Variants in TET1 observed in about 807,000 individuals in gnomAD.
TET1 encodes tet methylcytosine dioxygenase 1.
TET1 carries 13 observed loss-of-function variants against 148.7 expected under a neutral mutation model. The observed-to-expected ratio is 0.09, with a 90% CI of 0.06 to 0.14. The LOEUF is 0.14. TET1 is among the 10% of genes least tolerant of loss of function. The pLI, the probability that TET1 is intolerant of heterozygous loss-of-function variation, is 1.00. For synonymous variants in TET1, 907 were observed against 937.2 expected (o/e 0.97, Z 0.59); for missense variants, 2,182 against 2,553.8 (o/e 0.85, Z 3.14).
At chr10:68,637,518 C>CTTTTTTTTTTT in intron 3 of TET1, among the ~76,000 whole-genome samples, 1 of 106,372 alleles carries the variant, frequency 9.4e-6, no homozygotes, top group Non-Finnish European at 1.8e-5. Flanking sequence ...GTTTCCTATT[C>CTTTTTTTTTTT]TTTTTTTTTT....
At chr10:68,626,084 T>C (rs1295197063) in intron 3 of TET1, among the ~76,000 whole-genome samples, 1 of 70,476 alleles carries the variant, frequency 1.4e-5, no homozygotes, top group Non-Finnish European at 2.6e-5. Context: ...AACGAGACCC[T>C]ATCTCAAAAA....
At position 68,645,391 on chromosome 10, in the gene TET1, T is replaced by A; in HGVS notation, c.2662T>A (p.Leu888Met). 6.2e-7 allele frequency: 1 copy of A among 1,614,118 alleles called. No individual in the cohort carries two copies. The highest frequency in any genetic ancestry group is 8.5e-7 in the Non-Finnish European group (1 of 1,180,048). The change falls in exon 4 of 12, where the codon TTG becomes ATG. Residue 888 changes from leucine to methionine, a missense_variant. Transcript: ENST00000373644. ...LSLMKDRRLTLEQVVAIEALT... is the reference protein window; with the variant it reads ...LSLMKDRRLTMEQVVAIEALT... ...GTTAATGAAAGATAGGAGATTAACATTGGAGCAAGTGGTAGCCATAGAGGC... is the reference window on the plus strand; with the variant it reads ...GTTAATGAAAGATAGGAGATTAACAATGGAGCAAGTGGTAGCCATAGAGGC...
At chr10:68,620,687 C>A (rs1192826094) in intron 3 of TET1, among the ~76,000 whole-genome samples, 1 of 151,372 alleles carries the variant, frequency 6.6e-6, no homozygotes, top group African/African-American at 2.4e-5. Context: ...TGGGTACATA[C>A]CAAGAAGTGG....
intron 7 of TET1, among the ~76,000 whole-genome samples, chr10:68,672,224 T>G (rs1242289584): frequency 6.6e-6 from 1 of 151,792 alleles, no homozygotes; most frequent in Non-Finnish European, 1.5e-5. Context: ...CTGTCCAGGC[T>G]CAGTGCCTCA....
chr10:68,574,210 T>C lies in TET1; in HGVS notation c.1872T>C (p.Cys624=), dbSNP rs745765557. The change falls in exon 2 of 12, where the codon TGT becomes TGC. Residue 624 remains cysteine (C), a synonymous_variant. Coordinates refer to ENST00000373644, the MANE Select transcript of TET1 (RefSeq NM_030625.3). ...NSHQICKKRK[C]EELKKKPSVV... ...ATCAGATCTGTAAGAAAAGAAAATGTGAGGAGCTGAAAAAGAAACCATCTG... is the reference window on the plus strand; with the variant it reads ...ATCAGATCTGTAAGAAAAGAAAATGCGAGGAGCTGAAAAAGAAACCATCTG... 4 of 1,612,948 alleles carry C rather than the reference T, an allele frequency of 2.5e-6. No homozygotes were observed. Among genetic ancestry groups the C allele is most frequent in the Middle Eastern group, 1.6e-4 (1 of 6,062 alleles).
intron 1 of TET1, among the ~76,000 whole-genome samples, chr10:68,568,738 C>G (rs1437000424): frequency 2.0e-5 from 3 of 152,138 alleles, no homozygotes; most frequent in African/African-American, 7.2e-5. Context: ...GTGGTCCCAG[C>G]TATTCGGGCA....
chr10:68,571,327 G>T (rs886110334), intron 1 of TET1, among the ~76,000 whole-genome samples: 1 of 148,134 alleles, frequency 6.8e-6, no homozygotes, highest in African/African-American at 2.5e-5. Flanking sequence ...TTTTTGAGAT[G>T]GAGTCTCACT....
chr10:68,603,600 GT>G (rs1371788846), intron 3 of TET1, among the ~76,000 whole-genome samples: 3 of 152,094 alleles, frequency 2.0e-5, no homozygotes, highest in African/African-American at 7.2e-5. Context: ...GCAAAATCCT[GT>G]CTCTATGAAA....
At chr10:68,571,611 G>A in intron 1 of TET1, among the ~76,000 whole-genome samples, 1 of 151,656 alleles carries the variant, frequency 6.6e-6, no homozygotes, top group East Asian at 2.0e-4. Context: ...TGTTGGCCAG[G>A]CTGGTCTCAA....
chr10:68,632,708 A>G lies in TET1; in HGVS notation c.1969-11990A>G, dbSNP rs549654663. On this transcript the variant is annotated intron_variant, in intron 3 of 11. Transcript: ENST00000373644. ...CACCTCGATCCTGAAAGAAAACACA[A>G]CGGCGGCAGCAGCAATTGAACAATC... 1.1e-4 allele frequency: 179 copies of G among 1,609,124 alleles called. No homozygotes were observed. In the African/African-American group the frequency reaches 1.9e-3, roughly 17 times the overall value.
chr10:68,669,183 T>TA (rs2055234333), intron 7 of TET1, among the ~76,000 whole-genome samples: 2 of 152,200 alleles, frequency 1.3e-5, no homozygotes, highest in South Asian at 4.2e-4. Flanking sequence ...AGTTTGCCGT[T>TA]ACAGTGAGCT....
intron 3 of TET1, among the ~76,000 whole-genome samples, chr10:68,611,665 TTTTCTTTTC>T (rs1047087781): frequency 9.1e-5 from 13 of 143,058 alleles, no homozygotes; most frequent in African/African-American, 3.0e-4. Context: ...TTTTCTTTTC[TTTTCTTTTC>T]TTTCTTTTCT....
At chr10:68,594,336 T>A (rs2053954055) in intron 2 of TET1, among the ~76,000 whole-genome samples, 1 of 152,174 alleles carries the variant, frequency 6.6e-6, no homozygotes, top group Non-Finnish European at 1.5e-5. Context: ...AGAGAGGCAA[T>A]AATTTCAGCC....
chr10:68,590,836 T>C (rs1306535180), intron 2 of TET1, among the ~76,000 whole-genome samples: 1 of 144,542 alleles, frequency 6.9e-6, no homozygotes, highest in Non-Finnish European at 1.5e-5. Flanking sequence ...AGCTATTTTC[T>C]TTTTTTTTTC....
chr10:68,596,019 C>CATATATATAT (rs1564959051), intron 2 of TET1, among the ~76,000 whole-genome samples: 8 of 108,240 alleles, frequency 7.4e-5, no homozygotes, highest in African/African-American at 1.7e-4. Context: ...CACACACACA[C>CATATATATAT]ACACACACAT....
In TET1 at chr10:68,640,875, GTGTA is replaced by G. The variant is rs2054742861; in HGVS notation, c.1969-3815_1969-3812del. On this transcript the variant is annotated intron_variant, in intron 3 of 11. Transcript: ENST00000373644. ...AAATATTATTTTTCTTACATCTCTTGTGTATGTATGTGACATGTAATATTTATAC... is the reference window on the plus strand; with the variant it reads ...AAATATTATTTTTCTTACATCTCTTGTGTATGTGACATGTAATATTTATAC... Among the ~76,000 whole-genome samples the G allele has an allele frequency of 3.3e-5, 5 of 151,370 alleles. No homozygotes were observed. The South Asian group carries it at 1.0e-3, about 32-fold the overall frequency.
intron 1 of TET1, among the ~76,000 whole-genome samples, chr10:68,571,900 G>T (rs2053674539): frequency 6.6e-6 from 1 of 152,144 alleles, no homozygotes; most frequent in South Asian, 2.1e-4. Flanking sequence ...TGGGTGGATG[G>T]CTTGAGCCCA....
intron 2 of TET1, among the ~76,000 whole-genome samples, chr10:68,580,184 T>A (rs2053776638): frequency 2.6e-5 from 4 of 151,800 alleles, no homozygotes; most frequent in Middle Eastern, 6.8e-3. Context: ...CCCCTTGGCC[T>A]CCCAAAGTGC....
At chr10:68,667,446 A>G (rs1406955123) in intron 7 of TET1, among the ~76,000 whole-genome samples, 190 bp downstream of exon 7, 1 of 152,188 alleles carries the variant, frequency 6.6e-6, no homozygotes, top group Admixed American at 6.5e-5. Flanking sequence ...ACTTTAAATC[A>G]TTCTCCTTTG....
Sources: gnomAD v4.1 joint callset for allele counts (sites outside exome capture counted in the v4.1 genomes callset) on GRCh38, gnomAD v4.1.1 for gene constraint, MANE v1.5 for transcripts, NCBI Gene and HGNC (gene_info 2026-07-23, HGNC 2026-07-21) for gene names.